Variants in KIAA1755 observed in about 807,000 individuals in gnomAD.
KIAA1755 encodes uncharacterized protein KIAA1755.
In KIAA1755, 68 loss-of-function variants were observed where a neutral mutation model predicts 91.7. That is an observed-to-expected ratio of 0.74 (90% CI 0.61 to 0.91). The LOEUF (loss-of-function observed/expected upper bound fraction) is 0.91, where lower values mean the gene tolerates loss of function less well. Among genes scored for constraint, KIAA1755 ranks in the 40% least tolerant of loss-of-function variants. The pLI is 0.00. For synonymous variants in KIAA1755, 610 were observed against 604.6 expected (o/e 1.01, Z -0.13); for missense variants, 1,535 against 1,494.4 (o/e 1.03, Z -0.45).
In KIAA1755 at chr20:38,240,660, G is replaced by A. The variant is rs1435829515; in HGVS notation, c.1471C>T (p.Leu491Phe). The A allele has an allele frequency of 6.5e-7, 1 of 1,540,324 alleles. No individual in the cohort carries two copies. The highest frequency in any genetic ancestry group is 2.3e-5 in the East Asian group (1 of 44,338). The change falls in exon 3 of 14, where the codon CTC becomes TTC. Residue 491 changes from leucine to phenylalanine, a missense_variant. Transcript: ENST00000279024. ...ACTTTCCAGGGCCCATTGTGCTGGA[G>A]TGAGGCTTTCTCCGGGGTCACAGAG... ...QPSVTPEKASLQHNGPWKVLC... is the reference protein window; with the variant it reads ...QPSVTPEKASFQHNGPWKVLC...
intron 4 of KIAA1755, among the ~76,000 whole-genome samples, chr20:38,234,715 C>T (rs192179591): frequency 8.9e-4 from 136 of 152,290 alleles, no homozygotes; most frequent in Non-Finnish European, 1.7e-3. Flanking sequence ...ACACAGTAGT[C>T]ATACGATTAG....
At chr20:38,237,465 G>A (rs150259953) in intron 4 of KIAA1755, among the ~76,000 whole-genome samples, 32 of 152,214 alleles carry the variant, frequency 2.1e-4, no homozygotes, top group African/African-American at 7.2e-4. Flanking sequence ...GTGTGAAGGT[G>A]GAAGAGGAAA....
At chr20:38,253,133 G>A (rs2076281476) in intron 1 of KIAA1755, among the ~76,000 whole-genome samples, 1 of 152,232 alleles carries the variant, frequency 6.6e-6, no homozygotes, top group African/African-American at 2.4e-5. Flanking sequence ...GGAAGAAGGT[G>A]AGACGAGCCA....
chr20:38,249,644 C>G (rs888154420), intron 1 of KIAA1755, among the ~76,000 whole-genome samples: 1 of 150,588 alleles, frequency 6.6e-6, no homozygotes, highest in African/African-American at 2.4e-5. Context: ...CGGGCACTGC[C>G]GTGGCAGTGA....
At chr20:38,227,830 G>A (rs527855968) in intron 6 of KIAA1755, among the ~76,000 whole-genome samples, 68 of 152,358 alleles carry the variant, frequency 4.5e-4, no homozygotes, top group African/African-American at 1.5e-3. Flanking sequence ...AGGGGCGCGG[G>A]GTGCCAAGCG....
At chr20:38,235,103 C>G (rs764286654) in intron 4 of KIAA1755, among the ~76,000 whole-genome samples, 29 of 134,142 alleles carry the variant, frequency 2.2e-4, no homozygotes, top group Non-Finnish European at 1.8e-4. Flanking sequence ...AATTTGCAAG[C>G]AATTAAAAGC....
Position 38,259,510 on chromosome 20 carries a change from C to CGTGT in KIAA1755, c.3+984_3+987dup, listed in dbSNP as rs74179896. 2.7e-3 allele frequency among the ~76,000 whole-genome samples: 368 copies of CGTGT among 137,444 alleles called. 3 individuals are homozygous for CGTGT. Among genetic ancestry groups the CGTGT allele is most frequent in the African/African-American group, 7.7e-3 (292 of 37,788 alleles). 90.2% of individuals were successfully genotyped at this position (137,444 alleles called of 152,430 possible). ...ATGTGTACGTGTGTGTGAGTGCCTG[C>CGTGT]GTGTGTGTGTGTGTGTGTGTGAGAG... On this transcript the variant is annotated intron_variant, in intron 1 of 13. Coordinates refer to ENST00000279024, the MANE Select transcript of KIAA1755 (RefSeq NM_001029864.2).
rs137931662 is a variant in KIAA1755, at chr20:38,257,680, G to A, written c.3+2818C>T. On this transcript the variant is annotated intron_variant, in intron 1 of 13. Coordinates refer to ENST00000279024, the MANE Select transcript of KIAA1755 (RefSeq NM_001029864.2). ...ACATAGATTGATGTGAAATCACAGC[G>A]AGAAAGTTACTCCAGTTCTCTTCCA... Among the ~76,000 whole-genome samples the A allele has an allele frequency of 1.1e-3, 172 of 151,282 alleles. 2 individuals are homozygous for A. The East Asian group carries it at 0.031, about 27-fold the overall frequency.
At chr20:38,234,148 C>T (rs947784057) in intron 4 of KIAA1755, among the ~76,000 whole-genome samples, 19 of 152,106 alleles carry the variant, frequency 1.2e-4, no homozygotes, top group Non-Finnish European at 2.2e-4. Context: ...AAGCCACCCA[C>T]GTTATGGCAG....
intron 12 of KIAA1755, chr20:38,217,762 C>G (rs1650720674): frequency 1.9e-6 from 1 of 536,224 alleles, no homozygotes; most frequent in Non-Finnish European, 3.3e-6. Flanking sequence ...TTCTGGAAAA[C>G]TTCTCTGACT....
intron 5 of KIAA1755, among the ~76,000 whole-genome samples, chr20:38,229,457 C>T (rs1392400586): frequency 6.6e-6 from 1 of 152,212 alleles, no homozygotes; most frequent in African/African-American, 2.4e-5. Context: ...GACTTTATGT[C>T]CTTGCCTCCC....
At chr20:38,224,527 A>G (rs928259138) in intron 8 of KIAA1755, among the ~76,000 whole-genome samples, 3 of 152,212 alleles carry the variant, frequency 2.0e-5, no homozygotes, top group Non-Finnish European at 2.9e-5. Flanking sequence ...GCGGTTCTCA[A>G]TGAGGGGTGA....
chr20:38,225,844 C>T (rs2075748441), intron 7 of KIAA1755, 63 bp from the exon 8 acceptor site: 1 of 933,922 alleles, frequency 1.1e-6, no homozygotes, highest in Admixed American at 3.0e-5. Context: ...TTAGAAGGTC[C>T]TGCCCAGATC....
chr20:38,216,855 C>G (rs1327163260), intron 13 of KIAA1755: 1 of 482,840 alleles, frequency 2.1e-6, no homozygotes, highest in Admixed American at 2.3e-5. Flanking sequence ...ACCCCTCATC[C>G]TCACCATGGT....
chr20:38,237,796 C>T (rs949647922), intron 4 of KIAA1755, among the ~76,000 whole-genome samples: 1 of 150,842 alleles, frequency 6.6e-6, no homozygotes, highest in Non-Finnish European at 1.5e-5. Context: ...AACATGAAAA[C>T]CCGGCGGGGA....
intron 13 of KIAA1755, among the ~76,000 whole-genome samples, chr20:38,214,084 T>G (rs1030297771): frequency 1.3e-5 from 2 of 152,022 alleles, no homozygotes; most frequent in African/African-American, 4.8e-5. Context: ...CCCGAGTAGC[T>G]GAGGCTATAG....
intron 13 of KIAA1755, among the ~76,000 whole-genome samples, chr20:38,214,915 C>T (rs756097357): frequency 6.6e-6 from 1 of 152,246 alleles, no homozygotes; most frequent in East Asian, 1.9e-4. Flanking sequence ...CATCTTTCCA[C>T]GGATTAAGGG....
At position 38,234,158 on chromosome 20, in the gene KIAA1755, G is replaced by T. The variant is rs538924484; in HGVS notation, c.1748-2833C>A. ...TGCTTAAGCCACCCACGTTATGGCA[G>T]TCCTGGGACACTAATATACTAAGTC... On this transcript the variant is annotated intron_variant, in intron 4 of 13. Transcript: ENST00000279024. Among the ~76,000 whole-genome samples, 18 of 152,302 alleles carry T rather than the reference G, an allele frequency of 1.2e-4. No homozygotes were observed. In the South Asian group the frequency reaches 3.5e-3, roughly 30 times the overall value.
chr20:38,223,599 G>T lies in KIAA1755; in HGVS notation c.2207C>A (p.Ser736Tyr), dbSNP rs559589379. The T allele has an allele frequency of 6.2e-7, 1 of 1,604,300 alleles. No individual in the cohort carries two copies. Among genetic ancestry groups the T allele is most frequent in the Non-Finnish European group, 8.5e-7 (1 of 1,176,094 alleles). ...DPFLADLHQA[S>Y]SLLQASIEEF... is the part of the protein sequence containing the mutation. ...CTCGATGGAAGCTTGTAGCAGGGAA[G>T]AGGCCTGGTGGAGGTCAGCAAGGAA... The change falls in exon 9 of 14, where the codon TCT becomes TAT. Residue 736 changes from serine (S) to tyrosine (Y), a missense_variant. Ser to Tyr is a moderately radical substitution (Grantham distance 144). Transcript: ENST00000279024.
Sources: gnomAD v4.1 joint callset for allele counts (sites outside exome capture counted in the v4.1 genomes callset) on GRCh38, gnomAD v4.1.1 for gene constraint, MANE v1.5 for transcripts, NCBI Gene and HGNC (gene_info 2026-07-23, HGNC 2026-07-21) for gene names.